The following KCNMA1 variants were observed in gnomAD, a reference collection of about 807,000 sequenced individuals.
KCNMA1 encodes Calcium-activated potassium channel subunit alpha-1.
A neutral mutation model predicts 140.0 loss-of-function variants in KCNMA1; 29 were observed. That is an observed-to-expected ratio of 0.21 (90% CI 0.15 to 0.28). KCNMA1 has a LOEUF of 0.28. KCNMA1 is among the 10% of genes least tolerant of loss of function. The probability of loss-of-function intolerance (pLI) is 1.00; values close to 1 mark genes in which losing one functional copy is unlikely to be tolerated. For missense variants in KCNMA1, 880 were observed against 1,602.2 expected (o/e 0.55, Z 7.70); for synonymous variants, 612 against 611.9 (o/e 1.00, Z 0.00).
At chr10:77,209,505 G>C (rs566816088) in intron 3 of KCNMA1, among the ~76,000 whole-genome samples, 1 of 152,284 alleles carries the variant, frequency 6.6e-6, no homozygotes, top group African/African-American at 2.4e-5. Flanking sequence ...CTCAAAAGGG[G>C]TTTAGGAAAC....
chr10:77,478,176 G>A (rs1033343093), intron 1 of KCNMA1, among the ~76,000 whole-genome samples: 1 of 152,084 alleles, frequency 6.6e-6, no homozygotes, highest in Non-Finnish European at 1.5e-5. Context: ...GTTTTAAAGG[G>A]GACCTCTCTC....
intron 1 of KCNMA1, among the ~76,000 whole-genome samples, chr10:77,560,324 G>A (rs1790594827): frequency 6.6e-6 from 1 of 152,224 alleles, no homozygotes; most frequent in Non-Finnish European, 1.5e-5. Flanking sequence ...TAAAAGGGTT[G>A]CTGCATGGAA....
At chr10:77,580,096 G>A (rs1330588097) in intron 1 of KCNMA1, among the ~76,000 whole-genome samples, 2 of 152,202 alleles carry the variant, frequency 1.3e-5, no homozygotes, top group South Asian at 2.1e-4. Flanking sequence ...TATAAGAAAT[G>A]TCTGGCCGAG....
At chr10:77,539,842 G>A (rs2059774081) in intron 1 of KCNMA1, among the ~76,000 whole-genome samples, 1 of 152,126 alleles carries the variant, frequency 6.6e-6, no homozygotes, top group African/African-American at 2.4e-5. Flanking sequence ...GGAAGCAGTG[G>A]GAATACAGTT....
intron 1 of KCNMA1, among the ~76,000 whole-genome samples, chr10:77,515,044 T>C (rs1338939976): frequency 2.0e-5 from 3 of 152,142 alleles, no homozygotes; most frequent in Non-Finnish European, 4.4e-5. Flanking sequence ...AGTTGAGAAA[T>C]GAGAATGCCC....
chr10:77,418,548 G>A (rs1437445910), intron 1 of KCNMA1, among the ~76,000 whole-genome samples: 6 of 151,936 alleles, frequency 3.9e-5, no homozygotes, highest in African/African-American at 9.7e-5. Flanking sequence ...TGGAAGTGTC[G>A]GTTCCCTACA....
intron 29 of KCNMA1, among the ~76,000 whole-genome samples, chr10:76,878,748 T>A (rs2033244435): frequency 6.6e-6 from 1 of 152,000 alleles, no homozygotes. Context: ...GGGGTGAGAA[T>A]GAAAATGGTC....
At chr10:77,416,280 C>T (rs1050132761) in intron 1 of KCNMA1, among the ~76,000 whole-genome samples, 2 of 152,128 alleles carry the variant, frequency 1.3e-5, no homozygotes, top group Non-Finnish European at 2.9e-5. Flanking sequence ...TCTCTCAGGG[C>T]TGGAGGAGCT....
intron 3 of KCNMA1, among the ~76,000 whole-genome samples, chr10:77,245,225 T>C (rs1458109338): frequency 6.6e-6 from 1 of 152,246 alleles, no homozygotes; most frequent in Non-Finnish European, 1.5e-5. Flanking sequence ...AGAAAGGCTG[T>C]ATTTCATAAA....
chr10:77,004,465 C>T (rs1439795970), intron 18 of KCNMA1, among the ~76,000 whole-genome samples: 1 of 152,154 alleles, frequency 6.6e-6, no homozygotes, highest in African/African-American at 2.4e-5. Context: ...TCTGGGTCCA[C>T]TTTCTTAAAA....
chr10:77,084,548 A>C, intron 12 of KCNMA1, 89 bp downstream of exon 12: 1 of 1,007,640 alleles, frequency 9.9e-7, no homozygotes, highest in Non-Finnish European at 1.5e-6. Context: ...AAGGCCTCAT[A>C]GAGATAGTCC....
Position 77,472,440 on chromosome 10 carries a change from G to A in KCNMA1, c.379-68417C>T, listed in dbSNP as rs182165816. 8.4e-4 allele frequency among the ~76,000 whole-genome samples: 120 copies of A among 142,940 alleles called. 1 individual carries two copies. Among genetic ancestry groups the A allele is most frequent in the African/African-American group, 2.8e-3 (106 of 38,478 alleles). The allele number at this position is 142,940 out of a possible 152,430, so 93.8% of individuals were successfully genotyped here. On this transcript the variant is annotated intron_variant, in intron 1 of 27. Coordinates refer to ENST00000286628, the MANE Select transcript of KCNMA1 (RefSeq NM_001161352.2). Reference sequence around the variant, plus strand: ...TAGCACACCTAGGCACACTATGCACGTCACACACACATCACACACACACAG... The same window carrying A: ...TAGCACACCTAGGCACACTATGCACATCACACACACATCACACACACACAG...
At chr10:76,977,146 GT>G (rs917140744) in intron 19 of KCNMA1, among the ~76,000 whole-genome samples, 2 of 151,998 alleles carry the variant, frequency 1.3e-5, no homozygotes, top group African/African-American at 4.8e-5. Context: ...ACTCCTTTAG[GT>G]TGCCCTAGCA....
chr10:76,989,779 T>C (rs1273470673), intron 19 of KCNMA1, among the ~76,000 whole-genome samples: 2 of 150,442 alleles, frequency 1.3e-5, no homozygotes, highest in African/African-American at 2.5e-5. Context: ...TGACCTCTTA[T>C]AAGGCTAGCT....
chr10:77,606,994 TC>T (rs1264717374), intron 1 of KCNMA1, among the ~76,000 whole-genome samples: 2 of 152,168 alleles, frequency 1.3e-5, no homozygotes, highest in Non-Finnish European at 2.9e-5. Flanking sequence ...CCCTGGGGCC[TC>T]AAGTTCAGAC....
chr10:77,530,461 T>A (rs1490290766), intron 1 of KCNMA1, among the ~76,000 whole-genome samples: 7 of 152,206 alleles, frequency 4.6e-5, no homozygotes, highest in Non-Finnish European at 1.0e-4. Context: ...GTTCTAACAC[T>A]ATTACAACTA....
chr10:77,451,287 G>C (rs1209618058), intron 1 of KCNMA1, among the ~76,000 whole-genome samples: 1 of 152,144 alleles, frequency 6.6e-6, no homozygotes, highest in Non-Finnish European at 1.5e-5. Context: ...GTCATCCTGA[G>C]CAATACACTA....
intron 21 of KCNMA1, among the ~76,000 whole-genome samples, chr10:76,949,675 C>T (rs951878213): frequency 6.6e-6 from 1 of 151,998 alleles, no homozygotes; most frequent in East Asian, 1.9e-4. Flanking sequence ...TAATAATTTT[C>T]AGGAGGTAAA....
At chr10:76,991,027 C>T (rs1214797954) in intron 19 of KCNMA1, among the ~76,000 whole-genome samples, 8 of 152,156 alleles carry the variant, frequency 5.3e-5, no homozygotes, top group South Asian at 2.1e-4. Flanking sequence ...CTGCCTACCT[C>T]GAGTCAGAGT....
Sources: gnomAD v4.1 joint callset for allele counts (sites outside exome capture counted in the v4.1 genomes callset) on GRCh38, gnomAD v4.1.1 for gene constraint, MANE v1.5 for transcripts, NCBI Gene and HGNC (gene_info 2026-07-23, HGNC 2026-07-21) for gene names.